UNC5C: variants seen among roughly 807,000 people sequenced by gnomAD.
UNC5C encodes netrin receptor UNC5C.
UNC5C carries 47 observed loss-of-function variants against 99.8 expected under a neutral mutation model. The ratio of observed to expected loss-of-function variants is 0.47; its 90% CI spans 0.37 to 0.60. The LOEUF (loss-of-function observed/expected upper bound fraction) is 0.60. UNC5C is among the 20% of genes least tolerant of loss of function. The pLI is 0.00. For synonymous variants in UNC5C, 487 were observed against 452.2 expected (o/e 1.08, Z -0.98); for missense variants, 1,062 against 1,165.9 (o/e 0.91, Z 1.30).
At chr4:95,266,915 G>A (rs760143739) in intron 4 of UNC5C, among the ~76,000 whole-genome samples, 3 of 152,062 alleles carry the variant, frequency 2.0e-5, no homozygotes, top group Non-Finnish European at 2.9e-5. Flanking sequence ...TTGACTTTCC[G>A]TAGTCATTTT....
intron 1 of UNC5C, among the ~76,000 whole-genome samples, chr4:95,381,311 ATTAT>A (rs1207349200): frequency 6.6e-6 from 1 of 152,188 alleles, no homozygotes. Flanking sequence ...TTTCTGTGAC[ATTAT>A]TTATGAATGT....
intron 3 of UNC5C, among the ~76,000 whole-genome samples, chr4:95,280,108 C>T (rs1244293812): frequency 6.6e-6 from 1 of 152,110 alleles, no homozygotes; most frequent in Non-Finnish European, 1.5e-5. Flanking sequence ...GGACCAGTAC[C>T]AGTTCTCAGC....
chr4:95,540,681 C>A (rs1722896755), intron 1 of UNC5C, among the ~76,000 whole-genome samples: 1 of 152,152 alleles, frequency 6.6e-6, no homozygotes, highest in South Asian at 2.1e-4. Flanking sequence ...TTGCCAAACA[C>A]TTTATTCAAT....
chr4:95,340,940 T>C (rs994512146), intron 1 of UNC5C, among the ~76,000 whole-genome samples: 1 of 152,128 alleles, frequency 6.6e-6, no homozygotes, highest in East Asian at 1.9e-4. Flanking sequence ...ATTTAATAAA[T>C]GCAATGTGAT....
chr4:95,385,870 C>A (rs552221346), intron 1 of UNC5C, among the ~76,000 whole-genome samples: 81 of 152,132 alleles, frequency 5.3e-4, no homozygotes, highest in African/African-American at 1.5e-3. Flanking sequence ...TAGTAATGAC[C>A]TGAGAAAAAT....
At chr4:95,471,897 A>T (rs1383692548) in intron 1 of UNC5C, among the ~76,000 whole-genome samples, 1 of 152,038 alleles carries the variant, frequency 6.6e-6, no homozygotes, top group Non-Finnish European at 1.5e-5. Context: ...ATAGAGTAAG[A>T]CCAGCTAGGT....
intron 1 of UNC5C, among the ~76,000 whole-genome samples, chr4:95,539,928 T>C: frequency 8.5e-6 from 1 of 117,240 alleles, no homozygotes; most frequent in Non-Finnish European, 1.6e-5. Flanking sequence ...CCTTCTACTT[T>C]TTTTTTTTTT....
Position 95,244,967 on chromosome 4 carries a change from GT to G in UNC5C, c.943+9del. 1 of 1,613,514 alleles carries G rather than the reference GT, an allele frequency of 6.2e-7. No individual in the cohort carries two copies. Among genetic ancestry groups the G allele is most frequent in the Non-Finnish European group, 8.5e-7 (1 of 1,179,804 alleles). ...GGAGATACTTGGAATGAGAGGACTG[GT>G]TTATTTACCTGGGCATAACGTAGTA... is the stretch of plus-strand genomic sequence containing the variant. On this transcript the variant is annotated intron_variant, in intron 6 of 15. Transcript: ENST00000453304.
chr4:95,499,371 G>T (rs983802045), intron 1 of UNC5C, among the ~76,000 whole-genome samples: 2 of 152,006 alleles, frequency 1.3e-5, no homozygotes, highest in Non-Finnish European at 1.5e-5. Flanking sequence ...TGCTGGATGT[G>T]GCTTTCAGCT....
chr4:95,466,986 A>C (rs1747801010), intron 1 of UNC5C, among the ~76,000 whole-genome samples: 1 of 151,996 alleles, frequency 6.6e-6, no homozygotes, highest in South Asian at 2.1e-4. Flanking sequence ...TCTGTGTTAG[A>C]TCATTTGCTC....
chr4:95,301,821 AT>A, intron 2 of UNC5C, 72 bp from the exon 3 acceptor site: 1 of 1,530,224 alleles, frequency 6.5e-7, no homozygotes, highest in Non-Finnish European at 8.8e-7. Flanking sequence ...ATCACATCAT[AT>A]TTTTCCCCCA....
At chr4:95,290,872 G>A (rs1342062591) in intron 3 of UNC5C, among the ~76,000 whole-genome samples, 1 of 152,074 alleles carries the variant, frequency 6.6e-6, no homozygotes, top group Non-Finnish European at 1.5e-5. Context: ...AGGAAGAGCG[G>A]TTAGAATGAT....
At chr4:95,316,112 T>C (rs890249502) in intron 2 of UNC5C, among the ~76,000 whole-genome samples, 5 of 152,148 alleles carry the variant, frequency 3.3e-5, no homozygotes, top group African/African-American at 1.2e-4. Context: ...TAAGTGTACA[T>C]CAAGCTCACA....
Position 95,466,857 on chromosome 4 carries a change from G to T in UNC5C, c.124+81877C>A, listed in dbSNP as rs529314477. Among the ~76,000 whole-genome samples the T allele has an allele frequency of 2.0e-4, 30 of 152,258 alleles. No individual in the cohort carries two copies. The South Asian group carries it at 3.3e-3, about 17-fold the overall frequency. On this transcript the variant is annotated intron_variant, in intron 1 of 15. Coordinates refer to ENST00000453304, the MANE Select transcript of UNC5C (RefSeq NM_003728.4). ...TACGACGTCATTTAGCCATTCAAGA[G>T]GTGGAGTCTAACTTCATTCCCATTG...
intron 1 of UNC5C, among the ~76,000 whole-genome samples, chr4:95,363,233 C>A (rs1478178795): frequency 6.6e-6 from 1 of 152,142 alleles, no homozygotes; most frequent in Admixed American, 6.5e-5. Flanking sequence ...TACCATTACA[C>A]AAACCAGACA....
At chr4:95,355,134 A>G (rs569549640) in intron 1 of UNC5C, among the ~76,000 whole-genome samples, 63 of 152,242 alleles carry the variant, frequency 4.1e-4, no homozygotes, top group African/African-American at 1.5e-3. Flanking sequence ...AAATATGAGT[A>G]CTGCTGCTTA....
intron 3 of UNC5C, among the ~76,000 whole-genome samples, chr4:95,292,040 G>T (rs1046238784): frequency 1.3e-5 from 2 of 151,744 alleles, no homozygotes; most frequent in African/African-American, 4.8e-5. Context: ...CTTGTTTAAA[G>T]AAATGCATTA....
chr4:95,394,877 A>G (rs919342492), intron 1 of UNC5C, among the ~76,000 whole-genome samples: 2 of 152,158 alleles, frequency 1.3e-5, no homozygotes, highest in Non-Finnish European at 2.9e-5. Context: ...ACCAAAAACA[A>G]CAGGCTGTGA....
chr4:95,228,316 C>T (rs1366313812), intron 7 of UNC5C, among the ~76,000 whole-genome samples: 14 of 152,146 alleles, frequency 9.2e-5, no homozygotes, highest in Non-Finnish European at 2.1e-4. Context: ...TTTATTACTA[C>T]TTTTTAAAAA....
Sources: allele counts gnomAD v4.1 joint callset (sites outside exome capture counted in the v4.1 genomes callset), GRCh38; gene constraint gnomAD v4.1.1; transcripts MANE v1.5; gene names NCBI Gene and HGNC (gene_info 2026-07-23, HGNC 2026-07-21).